Variants in NR6A1 observed in about 807,000 individuals in gnomAD.
NR6A1 encodes the protein retinoic acid receptor-related testis-associated receptor.
NR6A1 carries 7 observed loss-of-function variants against 59.1 expected under a neutral mutation model. The ratio of observed to expected loss-of-function variants is 0.12; its 90% CI spans 0.07 to 0.22. The LOEUF (loss-of-function observed/expected upper bound fraction) is 0.22. NR6A1 is among the 10% of genes least tolerant of loss of function. The pLI is 1.00. For missense variants in NR6A1, 468 were observed against 611.6 expected (o/e 0.77, Z 2.48); for synonymous variants, 243 against 236.1 (o/e 1.03, Z -0.27).
chr9:124,735,412 T>A (rs1839995312), intron 1 of NR6A1, among the ~76,000 whole-genome samples: 1 of 152,230 alleles, frequency 6.6e-6, no homozygotes, highest in Non-Finnish European at 1.5e-5. Flanking sequence ...GCCTTATCCA[T>A]CTGCAGAGCT....
At chr9:124,737,861 T>C (rs534289397) in intron 1 of NR6A1, among the ~76,000 whole-genome samples, 35 of 152,024 alleles carry the variant, frequency 2.3e-4, no homozygotes, top group Non-Finnish European at 4.0e-4. Context: ...CAAGACTCCT[T>C]CTCAAAAACC....
At chr9:124,657,336 T>C (rs999005842) in intron 2 of NR6A1, among the ~76,000 whole-genome samples, 4 of 152,092 alleles carry the variant, frequency 2.6e-5, no homozygotes, top group Admixed American at 2.6e-4. Flanking sequence ...TTTCAACAAC[T>C]GTGAGAAAGG....
At chr9:124,756,738 T>C (rs1840640118) in intron 1 of NR6A1, among the ~76,000 whole-genome samples, 1 of 152,188 alleles carries the variant, frequency 6.6e-6, no homozygotes, top group Admixed American at 6.5e-5. Context: ...CACTCAGGTA[T>C]AGGTAGGTCT....
chr9:124,683,885 C>T (rs989117259), intron 2 of NR6A1, among the ~76,000 whole-genome samples: 1 of 152,166 alleles, frequency 6.6e-6, no homozygotes, highest in Non-Finnish European at 1.5e-5. Flanking sequence ...AAAAGTCACA[C>T]GGCTACTAAA....
At chr9:124,770,901 G>T (rs1193193458) in intron 1 of NR6A1, 119 bp downstream of exon 1, 3 of 519,026 alleles carry the variant, frequency 5.8e-6, no homozygotes, top group Non-Finnish European at 8.9e-6. Context: ...CCACCCTAAG[G>T]GGCCGCGGGG....
intron 2 of NR6A1, among the ~76,000 whole-genome samples, chr9:124,686,940 G>A (rs1821451206): frequency 1.3e-5 from 2 of 152,054 alleles, no homozygotes; most frequent in South Asian, 4.1e-4. Context: ...CTGGGCTCAA[G>A]CAATACCTCC....
chr9:124,645,488 A>T (rs186123871), intron 2 of NR6A1, among the ~76,000 whole-genome samples: 1 of 152,364 alleles, frequency 6.6e-6, no homozygotes, highest in East Asian at 1.9e-4. Flanking sequence ...AGAAAGTGGA[A>T]GCAGCTATGC....
rs1350461386 is a variant in NR6A1 at position 124,540,021 on chromosome 9, CT to C, written c.596+11del. 1 of 1,575,174 alleles carries C rather than the reference CT, an allele frequency of 6.3e-7. No homozygotes were observed. Among genetic ancestry groups the C allele is most frequent in the Non-Finnish European group, 8.5e-7 (1 of 1,170,278 alleles). ...CCCTAGATGATGACCATGGGTTTGC[CT>C]TAAAGCTCACCTGGAAGACAGTGTG... On this transcript the variant is annotated intron_variant, in intron 5 of 9. Coordinates refer to ENST00000487099, the MANE Select transcript of NR6A1 (RefSeq NM_033334.4).
chr9:124,706,791 C>G (rs956625518), intron 2 of NR6A1, among the ~76,000 whole-genome samples: 2 of 152,214 alleles, frequency 1.3e-5, no homozygotes, highest in South Asian at 4.1e-4. Flanking sequence ...GCTGATATTA[C>G]AGGCGTGAGC....
chr9:124,679,973 C>A (rs1020261501), intron 2 of NR6A1, among the ~76,000 whole-genome samples: 1 of 150,980 alleles, frequency 6.6e-6, no homozygotes, highest in African/African-American at 2.4e-5. Flanking sequence ...CCTATTGCAA[C>A]TTCCAAAACA....
intron 2 of NR6A1, chr9:124,599,280 T>C: frequency 2.5e-6 from 1 of 405,452 alleles, no homozygotes; most frequent in Non-Finnish European, 4.6e-6. Context: ...CCATCTCTAC[T>C]AAAAATACAA....
chr9:124,687,826 T>A (rs1476151923), intron 2 of NR6A1, among the ~76,000 whole-genome samples: 1 of 152,250 alleles, frequency 6.6e-6, no homozygotes, highest in African/African-American at 2.4e-5. Context: ...AATATTTGTA[T>A]AACTTCTCAT....
At chr9:124,654,546 T>C (rs907311640) in intron 2 of NR6A1, among the ~76,000 whole-genome samples, 1 of 152,146 alleles carries the variant, frequency 6.6e-6, no homozygotes, top group African/African-American at 2.4e-5. Context: ...TTGTTGCCAC[T>C]ACCCAGTTCA....
chr9:124,681,017 T>G (rs895130091), intron 2 of NR6A1, among the ~76,000 whole-genome samples: 1 of 152,320 alleles, frequency 6.6e-6, no homozygotes, highest in African/African-American at 2.4e-5. Flanking sequence ...ATAATGTCCT[T>G]GATGAAGCAG....
intron 2 of NR6A1, among the ~76,000 whole-genome samples, chr9:124,590,941 A>G (rs1013268995): frequency 1.4e-4 from 21 of 152,218 alleles, no homozygotes; most frequent in Non-Finnish European, 2.6e-4. Flanking sequence ...CAGAACTGTA[A>G]AAGACTTTCT....
intron 2 of NR6A1, among the ~76,000 whole-genome samples, chr9:124,583,132 G>A (rs1834821397): frequency 6.6e-6 from 1 of 151,828 alleles, no homozygotes; most frequent in Admixed American, 6.6e-5. Context: ...AGCAAATCAC[G>A]CACCCACCCA....
chr9:124,650,553 C>A (rs1449619289), intron 2 of NR6A1, among the ~76,000 whole-genome samples: 1 of 152,142 alleles, frequency 6.6e-6, no homozygotes, highest in Non-Finnish European at 1.5e-5. Context: ...TGGTTCACAA[C>A]AATTTACCGC....
At chr9:124,559,396 C>G (rs1301805757) in intron 2 of NR6A1, among the ~76,000 whole-genome samples, 2 of 152,162 alleles carry the variant, frequency 1.3e-5, no homozygotes, top group Non-Finnish European at 1.5e-5. Context: ...TCCCGCACTG[C>G]CCTGAATAAT....
intron 2 of NR6A1, among the ~76,000 whole-genome samples, chr9:124,591,859 G>A (rs1275684642): frequency 2.0e-5 from 3 of 151,748 alleles, no homozygotes; most frequent in Admixed American, 6.6e-5. Context: ...TAATTATAGC[G>A]TTTTCCCCAA....
Sources: allele counts gnomAD v4.1 joint callset (sites outside exome capture counted in the v4.1 genomes callset), GRCh38; gene constraint gnomAD v4.1.1; transcripts MANE v1.5; gene names NCBI Gene and HGNC (gene_info 2026-07-23, HGNC 2026-07-21).